HDAC9: variants seen among roughly 807,000 people sequenced by gnomAD.
HDAC9 encodes histone deacetylase 9, also known as MEF-2 interacting transcription repressor (MITR) protein.
HDAC9 carries 41 observed loss-of-function variants against 139.4 expected under a neutral mutation model. The observed-to-expected ratio is 0.29, with a 90% CI of 0.23 to 0.38. HDAC9 has a LOEUF of 0.38. Among genes scored for constraint, HDAC9 ranks in the 10% least tolerant of loss-of-function variants. HDAC9 has a pLI of 1.00. For missense variants in HDAC9, 1,147 were observed against 1,297.0 expected, an observed-to-expected ratio of 0.88 and a Z score of 1.78; for synonymous variants, 517 against 476.2, an observed-to-expected ratio of 1.09 and a Z score of -1.12.
chr7:18,779,923 T>A (rs1032268149), intron 16 of HDAC9, among the ~76,000 whole-genome samples: 1 of 151,998 alleles, frequency 6.6e-6, no homozygotes, highest in African/African-American at 2.4e-5. Context: ...AGGGAGGACA[T>A]TGCTTTCAGA....
intron 2 of HDAC9, among the ~76,000 whole-genome samples, chr7:18,192,357 T>G (rs1401498228): frequency 6.6e-6 from 1 of 152,194 alleles, no homozygotes; most frequent in Non-Finnish European, 1.5e-5. Context: ...TTGTAAATAT[T>G]CAAATGCACT....
At chr7:18,505,398 T>C (rs968502825) in intron 2 of HDAC9, among the ~76,000 whole-genome samples, 17 of 152,244 alleles carry the variant, frequency 1.1e-4, no homozygotes, top group Admixed American at 1.3e-4. Flanking sequence ...ATAAAGCCTA[T>C]ATCACCACTC....
At chr7:18,447,630 A>G (rs77477045) in intron 1 of HDAC9, among the ~76,000 whole-genome samples, 1 of 152,206 alleles carries the variant, frequency 6.6e-6, no homozygotes, top group African/African-American at 2.4e-5. Flanking sequence ...ACCAATACCT[A>G]AAACATCTGT....
intron 15 of HDAC9, among the ~76,000 whole-genome samples, chr7:18,764,969 T>C (rs1789700483): frequency 1.3e-5 from 2 of 152,184 alleles, no homozygotes; most frequent in Admixed American, 6.5e-5. Context: ...CTTTAAATAC[T>C]CTAGACCCTG....
chr7:18,560,550 G>A (rs551872822), intron 2 of HDAC9, among the ~76,000 whole-genome samples: 4 of 152,030 alleles, frequency 2.6e-5, no homozygotes, highest in Admixed American at 1.3e-4. Flanking sequence ...GTTGTGCCCC[G>A]TGCTCATCTC....
chr7:18,703,432 C>A (rs563136530), intron 12 of HDAC9, among the ~76,000 whole-genome samples: 1 of 152,154 alleles, frequency 6.6e-6, no homozygotes, highest in African/African-American at 2.4e-5. Flanking sequence ...AGGGTAAAAT[C>A]TCATTGGTGA....
intron 2 of HDAC9, among the ~76,000 whole-genome samples, chr7:18,548,873 C>A (rs571583136): frequency 6.6e-6 from 1 of 152,060 alleles, no homozygotes; most frequent in South Asian, 2.1e-4. Flanking sequence ...TAAATTGGAG[C>A]GCTCATACAT....
intron 12 of HDAC9, among the ~76,000 whole-genome samples, chr7:18,680,085 TGAATGGGACCTAC>T: frequency 6.6e-6 from 1 of 151,942 alleles, no homozygotes; most frequent in Non-Finnish European, 1.5e-5. Context: ...CTGATAAAAA[TGAATGGGACCTAC>T]GAACCCAGGG....
intron 12 of HDAC9, among the ~76,000 whole-genome samples, chr7:18,719,480 C>T (rs142604972): frequency 0.016 from 2,429 of 151,964 alleles, 74 homozygotes; most frequent in African/African-American, 0.055. Flanking sequence ...GCTGGGATTA[C>T]AGGCTCACAC....
At chr7:18,108,280 A>G (rs985810388) in intron 1 of HDAC9, among the ~76,000 whole-genome samples, 2 of 152,184 alleles carry the variant, frequency 1.3e-5, no homozygotes, top group African/African-American at 4.8e-5. Context: ...TCAAGTAGCA[A>G]TGACCAGGGA....
At chr7:18,201,910 C>G (rs559014980) in intron 2 of HDAC9, among the ~76,000 whole-genome samples, 5 of 152,188 alleles carry the variant, frequency 3.3e-5, no homozygotes, top group African/African-American at 1.2e-4. Context: ...ATTAAGTAGC[C>G]GGTAATGAGA....
intron 16 of HDAC9, among the ~76,000 whole-genome samples, chr7:18,775,976 G>T (rs1409916955): frequency 6.6e-6 from 1 of 151,998 alleles, no homozygotes; most frequent in African/African-American, 2.4e-5. Context: ...CTGTTGCTCA[G>T]GTGGGAGTAC....
At chr7:18,597,217 G>A (rs572394837) in intron 6 of HDAC9, among the ~76,000 whole-genome samples, 3 of 152,108 alleles carry the variant, frequency 2.0e-5, no homozygotes, top group Non-Finnish European at 2.9e-5. Context: ...TGTAAGAATG[G>A]AGTGACTTCT....
chr7:18,505,867 C>T (rs1799625377), intron 2 of HDAC9: 1 of 152,160 alleles, frequency 6.6e-6, no homozygotes, highest in Non-Finnish European at 1.5e-5. Flanking sequence ...TGCATTAAAA[C>T]CTGCAGATGT....
intron 2 of HDAC9, among the ~76,000 whole-genome samples, chr7:18,239,959 T>G (rs1464652756): frequency 6.6e-6 from 1 of 151,288 alleles, no homozygotes; most frequent in Non-Finnish European, 1.5e-5. Flanking sequence ...GCATGTTTTT[T>G]TTTTTTTTTT....
At chr7:18,634,553 T>TA in intron 7 of HDAC9, 74 bp from the exon 8 acceptor site, 1 of 874,496 alleles carries the variant, frequency 1.1e-6, no homozygotes, top group African/African-American at 1.7e-5. Flanking sequence ...TGCCCAATGT[T>TA]ACATGTTACA....
At chr7:18,795,257 T>TAAAAAAAAAA (rs5882676) in intron 17 of HDAC9, among the ~76,000 whole-genome samples, 1 of 65,496 alleles carries the variant, frequency 1.5e-5, no homozygotes, top group Admixed American at 1.9e-4. Flanking sequence ...AAGAAAACAG[T>TAAAAAAAAAA]AAAAAAAAAA....
chr7:18,681,431 A>G (rs769484662), intron 12 of HDAC9, among the ~76,000 whole-genome samples: 2 of 151,874 alleles, frequency 1.3e-5, no homozygotes, highest in African/African-American at 2.4e-5. Flanking sequence ...TATCTTTAAC[A>G]ATATTTGTTA....
intron 1 of HDAC9, among the ~76,000 whole-genome samples, chr7:18,132,482 T>G (rs1030740745): frequency 5.3e-5 from 8 of 152,064 alleles, no homozygotes; most frequent in African/African-American, 1.7e-4. Context: ...GATCACAGCT[T>G]ATTGCAGCCT....
Sources: gnomAD v4.1 joint callset for allele counts (sites outside exome capture counted in the v4.1 genomes callset) on GRCh38, gnomAD v4.1.1 for gene constraint, MANE v1.5 for transcripts, NCBI Gene and HGNC (gene_info 2026-07-23, HGNC 2026-07-21) for gene names.